Variants in CHRM3 observed in about 807,000 individuals in gnomAD.
The protein encoded by CHRM3 is muscarinic acetylcholine receptor M3.
In CHRM3, 11 loss-of-function variants were observed where a neutral mutation model predicts 41.8. That is an observed-to-expected ratio of 0.26 (90% CI 0.17 to 0.44). The LOEUF is 0.44. Ranked by LOEUF, CHRM3 falls within the 20% of genes least tolerant of loss-of-function variation. CHRM3 has a pLI of 1.00. For missense variants in CHRM3, 571 were observed against 745.4 expected, an observed-to-expected ratio of 0.77 and a Z score of 2.72; for synonymous variants, 297 against 301.4, an observed-to-expected ratio of 0.99 and a Z score of 0.15.
chr1:239,416,867 A>G (rs1298870726), intron 1 of CHRM3, among the ~76,000 whole-genome samples: 5 of 152,250 alleles, frequency 3.3e-5, no homozygotes, highest in Admixed American at 6.5e-5. Context: ...GGTAACAGGT[A>G]ACACCATAGT....
intron 6 of CHRM3, among the ~76,000 whole-genome samples, chr1:239,897,199 T>G: frequency 6.6e-6 from 1 of 152,188 alleles, no homozygotes; most frequent in Non-Finnish European, 1.5e-5. Context: ...AAATATACAG[T>G]TCTATCTGCG....
chr1:239,635,569 C>T (rs777306272), intron 4 of CHRM3, among the ~76,000 whole-genome samples: 36 of 152,216 alleles, frequency 2.4e-4, no homozygotes, highest in Non-Finnish European at 4.3e-4. Flanking sequence ...CTGTCCTGGA[C>T]ACCCAGGTTT....
intron 5 of CHRM3, among the ~76,000 whole-genome samples, chr1:239,712,028 G>C (rs1457499130): frequency 1.3e-5 from 2 of 152,056 alleles, no homozygotes; most frequent in East Asian, 3.9e-4. Context: ...TTTGCCTCTA[G>C]TAAGCCCATT....
intron 3 of CHRM3, among the ~76,000 whole-genome samples, chr1:239,608,859 T>C (rs1010309836): frequency 6.6e-6 from 1 of 152,186 alleles, no homozygotes; most frequent in Admixed American, 6.5e-5. Flanking sequence ...CAATCTCAAA[T>C]CATTTTTGGT....
At chr1:239,487,779 T>G (rs1222461801) in intron 1 of CHRM3, among the ~76,000 whole-genome samples, 2 of 150,896 alleles carry the variant, frequency 1.3e-5, no homozygotes, top group African/African-American at 4.9e-5. Context: ...GGAAAAATTG[T>G]ATTGCTTTTT....
chr1:239,597,117 A>G (rs1456655462), intron 3 of CHRM3, among the ~76,000 whole-genome samples: 1 of 152,220 alleles, frequency 6.6e-6, no homozygotes, highest in Non-Finnish European at 1.5e-5. Flanking sequence ...ACTCTGTTAC[A>G]ATTCACTTCA....
chr1:239,603,253 AT>A (rs1558362864), intron 3 of CHRM3, among the ~76,000 whole-genome samples: 3 of 152,188 alleles, frequency 2.0e-5, no homozygotes, highest in Admixed American at 6.5e-5. Context: ...TTCATCTCAA[AT>A]TTTTTTGTAG....
chr1:239,646,900 A>G (rs1335628114), intron 4 of CHRM3, among the ~76,000 whole-genome samples: 1 of 152,160 alleles, frequency 6.6e-6, no homozygotes, highest in African/African-American at 2.4e-5. Context: ...AAATGCATAG[A>G]TAGGTCGCTT....
intron 5 of CHRM3, among the ~76,000 whole-genome samples, chr1:239,723,630 A>C (rs1489870181): frequency 1.3e-5 from 2 of 151,912 alleles, no homozygotes; most frequent in Non-Finnish European, 2.9e-5. Flanking sequence ...TTAGTACTTC[A>C]TATGTTCTGT....
At position 239,493,944 on chromosome 1, in the gene CHRM3, G is replaced by A. The variant is rs541568575; in HGVS notation, c.-422+1137G>A. Among the ~76,000 whole-genome samples the A allele has an allele frequency of 2.0e-5, 3 of 152,270 alleles. No homozygotes were observed. In the East Asian group the frequency reaches 5.8e-4, roughly 29 times the overall value. On this transcript the variant is annotated intron_variant, in intron 2 of 6. Coordinates refer to ENST00000676153, the MANE Select transcript of CHRM3 (RefSeq NM_001375978.1). ...GAATTCAAGGGTGAGCCAGTAATAT[G>A]AGACAGCAATCTTTTATTGAACATT...
At chr1:239,507,297 C>T (rs942049628) in intron 2 of CHRM3, among the ~76,000 whole-genome samples, 13 of 152,266 alleles carry the variant, frequency 8.5e-5, no homozygotes, top group African/African-American at 2.9e-4. Flanking sequence ...AATTGAATCA[C>T]TGGGGGCAGG....
At chr1:239,733,131 T>C (rs2148437509) in intron 5 of CHRM3, among the ~76,000 whole-genome samples, 1 of 152,200 alleles carries the variant, frequency 6.6e-6, no homozygotes, top group East Asian at 1.9e-4. Flanking sequence ...TTTTGTCTTC[T>C]GTTTCTTGGT....
intron 5 of CHRM3, among the ~76,000 whole-genome samples, chr1:239,792,038 C>T (rs1222600192): frequency 2.6e-5 from 4 of 152,182 alleles, no homozygotes; most frequent in African/African-American, 4.8e-5. Context: ...GGTCAAGCTG[C>T]GGAATTGGTT....
In CHRM3 at chr1:239,793,803, A is replaced by ATTTT. The variant is rs67460907; in HGVS notation, c.-146-33427_-146-33424dup. On this transcript the variant is annotated intron_variant, in intron 5 of 6. Coordinates refer to ENST00000676153, the MANE Select transcript of CHRM3 (RefSeq NM_001375978.1). Reference sequence around the variant, plus strand: ...TGAACTTGTCAGAAATGAAATGTGTATTTTTTTTTTTTTTTTTTTTTTTTT... The same window carrying ATTTT: ...TGAACTTGTCAGAAATGAAATGTGTATTTTTTTTTTTTTTTTTTTTTTTTTTTTT... 1.9e-3 allele frequency among the ~76,000 whole-genome samples: 130 copies of ATTTT among 69,480 alleles called. 11 individuals carry two copies. The highest frequency in any genetic ancestry group is 7.1e-3 in the African/African-American group (114 of 16,140). The allele number at this position is 69,480 out of a possible 152,430, so 45.6% of individuals were successfully genotyped here.
At chr1:239,844,907 C>T (rs115972954) in intron 6 of CHRM3, among the ~76,000 whole-genome samples, 2,743 of 152,150 alleles carry the variant, frequency 0.018, 94 homozygotes, top group African/African-American at 0.063. Context: ...GAGGAGAAGA[C>T]GGCCAGAACT....
intron 6 of CHRM3, among the ~76,000 whole-genome samples, chr1:239,898,856 T>A (rs901216525): frequency 6.6e-6 from 1 of 152,154 alleles, no homozygotes; most frequent in Non-Finnish European, 1.5e-5. Context: ...ATTTTTTAAA[T>A]TTACCTATAT....
intron 4 of CHRM3, among the ~76,000 whole-genome samples, chr1:239,667,400 A>G (rs762494664): frequency 1.8e-4 from 28 of 152,136 alleles, no homozygotes; most frequent in Non-Finnish European, 3.7e-4. Context: ...ATCCAAGTCC[A>G]CTGTCATGTG....
chr1:239,606,017 T>C (rs1452899836), intron 3 of CHRM3: 4 of 152,196 alleles, frequency 2.6e-5, no homozygotes, highest in Non-Finnish European at 5.9e-5. Context: ...TACAGTGTAC[T>C]TGACCAGAGG....
intron 6 of CHRM3, among the ~76,000 whole-genome samples, chr1:239,833,241 T>G (rs1673039122): frequency 6.6e-6 from 1 of 152,158 alleles, no homozygotes; most frequent in East Asian, 1.9e-4. Context: ...GCTTTTTCCT[T>G]GCATCAAGTT....
Sources: allele counts gnomAD v4.1 joint callset (sites outside exome capture counted in the v4.1 genomes callset), GRCh38; gene constraint gnomAD v4.1.1; transcripts MANE v1.5; gene names NCBI Gene and HGNC (gene_info 2026-07-23, HGNC 2026-07-21).